FGFRL1: variants seen among roughly 807,000 people sequenced by gnomAD.
FGFRL1 encodes fibroblast growth factor receptor like 1.
In FGFRL1, 24 loss-of-function variants were observed where a neutral mutation model predicts 36.8. The observed-to-expected ratio is 0.65, with a 90% CI of 0.47 to 0.92. The LOEUF (loss-of-function observed/expected upper bound fraction) is 0.92, where lower values mean the gene tolerates loss of function less well. Ranked by LOEUF, FGFRL1 falls within the 40% of genes least tolerant of loss-of-function variation. The probability of loss-of-function intolerance (pLI) is 0.00; values close to 1 mark genes in which losing one functional copy is unlikely to be tolerated. For synonymous variants in FGFRL1, 422 were observed against 344.1 expected, an observed-to-expected ratio of 1.23 and a Z score of -2.50; for missense variants, 785 against 753.4, an observed-to-expected ratio of 1.04 and a Z score of -0.49.
Position 1,025,380 on chromosome 4 carries a change from C to G in FGFRL1, c.*33C>G. ...CGTATCTGCAGTGGGCACGGGGGGG[C>G]CGGCCAGACAGGCAGACTGGGAGGA... On this transcript the variant is annotated 3_prime_UTR_variant, in exon 7 of 7. Coordinates refer to ENST00000510644, the MANE Select transcript of FGFRL1 (RefSeq NM_001004356.3). 1.3e-6 allele frequency: 2 copies of G among 1,513,028 alleles called. No individual in the cohort carries two copies. Among genetic ancestry groups the G allele is most frequent in the Non-Finnish European group, 1.8e-6 (2 of 1,123,106 alleles). 93.7% of individuals were successfully genotyped at this position (1,513,028 alleles called of 1,614,324 possible). A position where few individuals can be genotyped will look rare whatever the true frequency, so the allele number is the denominator to read the frequency against.
chr4:1,024,669 G>A lies in FGFRL1; in HGVS notation c.1072+5G>A, dbSNP rs1304667705. ...CCTTCCTCACCGTGCTGCCAGGTGC[G>A]CGGCTGCCACGCCACGCCACACCAT... On this transcript the variant is annotated splice_donor_5th_base_variant and intron_variant, in intron 6 of 6. Coordinates refer to ENST00000510644, the MANE Select transcript of FGFRL1 (RefSeq NM_001004356.3). 2 of 1,592,652 alleles carry A rather than the reference G, an allele frequency of 1.3e-6. No individual in the cohort carries two copies. The highest frequency in any genetic ancestry group is 1.7e-5 in the Admixed American group (1 of 59,366).
chr4:1,020,183 G>C (rs1160710858), intron 2 of FGFRL1, among the ~76,000 whole-genome samples: 10 of 152,168 alleles, frequency 6.6e-5, no homozygotes, highest in Admixed American at 5.2e-4. Context: ...AGGAACACGC[G>C]GCCCCAGGCC....
chr4:1,019,295 G>A (rs191793764), intron 2 of FGFRL1, among the ~76,000 whole-genome samples: 3 of 152,346 alleles, frequency 2.0e-5, no homozygotes, highest in Admixed American at 2.0e-4. Flanking sequence ...CCAGGCACTC[G>A]CTCTCTTGCT....
At chr4:1,010,904 C>T (rs1715544293), upstream of FGFRL1, 2 of 152,208 alleles carry the variant, frequency 1.3e-5, no homozygotes, top group South Asian at 2.1e-4. Flanking sequence ...GATTAATGTT[C>T]TTGTCATTCC....
chr4:1,018,412 C>T (rs1716006404), intron 2 of FGFRL1, among the ~76,000 whole-genome samples: 1 of 152,184 alleles, frequency 6.6e-6, no homozygotes, highest in African/African-American at 2.4e-5. Flanking sequence ...GCACTGCCTC[C>T]GAGTCTAGTC....
Position 1,025,332 on chromosome 4 carries a change from C to T in FGFRL1, c.1500C>T (p.Ile500=). The part of the protein sequence containing the change: ...SHVEGKVHQH[I]HYQC ...TGGAGGGCAAGGTCCACCAGCACATCCACTATCAGTGCTAGACGGCACCGT... is the reference window on the plus strand; with the variant it reads ...TGGAGGGCAAGGTCCACCAGCACATTCACTATCAGTGCTAGACGGCACCGT... The change falls in exon 7 of 7, where the codon ATC becomes ATT. Residue 500 remains isoleucine, a synonymous_variant. Transcript: ENST00000510644. 3 of 1,554,618 alleles carry T rather than the reference C, an allele frequency of 1.9e-6. No homozygotes were observed. Among genetic ancestry groups the T allele is most frequent in the Admixed American group, 1.9e-5 (1 of 51,526 alleles).
chr4:1,017,235 G>A (rs1223464230), intron 2 of FGFRL1, among the ~76,000 whole-genome samples: 1 of 152,072 alleles, frequency 6.6e-6, no homozygotes, highest in Non-Finnish European at 1.5e-5. Flanking sequence ...TTTGGGCCAT[G>A]CAGGGCCCCC....
chr4:1,024,594 C>T lies in FGFRL1; in HGVS notation c.1002C>T (p.Gly334=), dbSNP rs1716399465. The T allele has an allele frequency of 6.2e-7, 1 of 1,612,184 alleles. No individual in the cohort carries two copies. The highest frequency in any genetic ancestry group is 1.7e-5 in the Admixed American group (1 of 59,990). The stretch of plus-strand genomic sequence containing the variant: ...CCCGTGCCCGCCAGGACGATGCGGG[C>T]ATGTACATCTGCCTTGGCGCCAACA... ...LITRARQDDA[G]MYICLGANTM... is the part of the protein sequence containing the mutation. Residue 334 remains glycine (G), a synonymous_variant, in exon 6 of 7, where the codon GGC becomes GGT. Transcript: ENST00000510644.
chr4:1,012,979 G>A (rs1715684791), intron 2 of FGFRL1, among the ~76,000 whole-genome samples: 1 of 152,198 alleles, frequency 6.6e-6, no homozygotes. Context: ...AAGGCAGGAT[G>A]GGCTATGGGA....
At chr4:1,022,506 G>A (rs1476189707) in intron 3 of FGFRL1, 31 bp downstream of exon 3, 3 of 1,561,370 alleles carry the variant, frequency 1.9e-6, no homozygotes, top group Non-Finnish European at 2.6e-6. Flanking sequence ...GAGGTCATGG[G>A]CTGGGTTGGA....
chr4:1,014,376 C>T (rs1255838414), intron 2 of FGFRL1, among the ~76,000 whole-genome samples: 1 of 152,178 alleles, frequency 6.6e-6, no homozygotes, highest in Non-Finnish European at 1.5e-5. Context: ...ATGTCTTTCA[C>T]AAATAACTCT....
chr4:1,012,501 C>A lies in FGFRL1; in HGVS notation c.16C>A (p.Leu6Met). 1 of 1,569,602 alleles carries A rather than the reference C, an allele frequency of 6.4e-7. No individual in the cohort carries two copies. The highest frequency in any genetic ancestry group is 1.8e-5 in the Admixed American group (1 of 56,412). ...ACAGGCCGAGATGACGCCGAGCCCC[C>A]TGTTGCTGCTCCTGCTGCCGCCGCT... is the stretch of plus-strand genomic sequence containing the variant. MTPSP[L>M]LLLLLPPLLL... The change falls in exon 2 of 7, where the codon CTG (leucine) becomes ATG (methionine). Residue 6 changes from leucine (L) to methionine (M), a missense_variant. Transcript: ENST00000510644.
intron 2 of FGFRL1, among the ~76,000 whole-genome samples, chr4:1,013,074 G>T (rs1715690650): frequency 6.6e-6 from 1 of 152,214 alleles, no homozygotes; most frequent in South Asian, 2.1e-4. Context: ...TGTGCCCTGG[G>T]CCTGCCCAGC....
In FGFRL1 at chr4:1,023,888, C is replaced by T. The variant is rs749760188; in HGVS notation, c.505C>T (p.Arg169Trp). The T allele has an allele frequency of 1.1e-5, 18 of 1,581,102 alleles. No homozygotes were observed. The highest frequency in any genetic ancestry group is 2.3e-5 in the South Asian group (2 of 87,604). ...VIARPVGSSV[R>W]LKCVASGHPR... ...CGCACGGCCCGTGGGTAGCTCCGTG[C>T]GGCTCAAGTGCGTGGCCAGCGGGCA... Residue 169 changes from arginine (R) to tryptophan (W), a missense_variant, in exon 5 of 7, where the codon CGG becomes TGG. By Grantham distance (101) the Arg-to-Trp change is moderately radical (BLOSUM62 -3). Coordinates refer to ENST00000510644, the MANE Select transcript of FGFRL1 (RefSeq NM_001004356.3). This position sits in a 1 kb window ranked among gnomAD's most constrained non-coding sequence, Gnocchi z 6.0.
chr4:1,010,330 C>T (rs1279798629), upstream of FGFRL1, among the ~76,000 whole-genome samples: 1 of 152,272 alleles, frequency 6.6e-6, no homozygotes, highest in Non-Finnish European at 1.5e-5. Flanking sequence ...AGCGCACCTC[C>T]ATCCGCCCTC....
Position 1,023,977 on chromosome 4 carries a change from G to A in FGFRL1, c.594G>A (p.Glu198=), listed in dbSNP as rs1383024279. The part of the protein sequence containing the change: ...DQALTRPEAA[E]PRKKKWTLSL... ...CCTTGACGCGCCCAGAGGCCGCTGA[G>A]CCCAGGAAGAAGAAGTGGACACTGA... The change falls in exon 5 of 7, where the codon GAG becomes GAA. Residue 198 remains glutamate, a synonymous_variant. Transcript: ENST00000510644. The surrounding 1 kb of genome is among the most constrained non-coding windows in gnomAD (Gnocchi z 6.0). 6.2e-7 allele frequency: 1 copy of A among 1,602,540 alleles called. No individual in the cohort carries two copies. The highest frequency in any genetic ancestry group is 1.3e-5 in the African/African-American group (1 of 74,630).
chr4:1,022,119 G>A, intron 2 of FGFRL1, 84 bp from the exon 3 acceptor site: 1 of 1,092,492 alleles, frequency 9.2e-7, no homozygotes. Flanking sequence ...GGTCTGTGCT[G>A]GGCCGTGGGT....
rs765681967 is a variant in FGFRL1, at chr4:1,024,031, C to T, written c.648C>T (p.Ser216=). The stretch of plus-strand genomic sequence containing the variant: ...TGAAGAACCTGCGGCCGGAGGACAG[C>T]GGCAAATACACCTGCCGCGTGTCGA... ...LSLKNLRPED[S]GKYTCRVSNR... The change falls in exon 5 of 7, where the codon AGC becomes AGT. Residue 216 remains serine, a synonymous_variant. Transcript: ENST00000510644. The T allele has an allele frequency of 1.1e-5, 18 of 1,607,238 alleles. No individual in the cohort carries two copies. The highest frequency in any genetic ancestry group is 3.3e-5 in the Admixed American group (2 of 59,780).
chr4:1,020,180 C>T (rs1389327407), intron 2 of FGFRL1, among the ~76,000 whole-genome samples: 2 of 152,194 alleles, frequency 1.3e-5, no homozygotes, highest in African/African-American at 2.4e-5. Flanking sequence ...TGGAGGAACA[C>T]GCGGCCCCAG....
Sources: gnomAD v4.1 joint callset for allele counts (sites outside exome capture counted in the v4.1 genomes callset) on GRCh38, gnomAD v4.1.1 for gene constraint, Gnocchi (gnomAD v3.1) non-coding constraint, MANE v1.5 for transcripts, NCBI Gene and HGNC (gene_info 2026-07-23, HGNC 2026-07-21) for gene names.